The following RASGRF2 variants were observed in gnomAD, a reference collection of about 807,000 sequenced individuals.
The protein encoded by RASGRF2 is ras-specific guanine nucleotide-releasing factor 2.
RASGRF2 carries 76 observed loss-of-function variants against 151.0 expected under a neutral mutation model. The observed-to-expected ratio is 0.50, with a 90% CI of 0.42 to 0.61. RASGRF2 has a LOEUF of 0.61. RASGRF2 is among the 20% of genes least tolerant of loss of function. RASGRF2 has a pLI of 0.00. For synonymous variants in RASGRF2, 504 were observed against 566.5 expected (o/e 0.89, Z 1.57); for missense variants, 1,148 against 1,564.6 (o/e 0.73, Z 4.49).
intron 17 of RASGRF2, among the ~76,000 whole-genome samples, chr5:81,157,759 T>C (rs1005117258): frequency 3.3e-5 from 5 of 152,188 alleles, no homozygotes; most frequent in African/African-American, 1.2e-4. Context: ...AAATGCCAGA[T>C]GCTTATAAAA....
At chr5:81,216,889 A>AT (rs1257688262) in intron 24 of RASGRF2, 9 of 421,852 alleles carry the variant, frequency 2.1e-5, no homozygotes, top group Middle Eastern at 3.4e-4. Context: ...TTTCTAAAAC[A>AT]TTTAAGTACC....
rs755186049 is a variant in RASGRF2, at chr5:81,180,206, A to G, written c.2718A>G (p.Lys906=). Residue 906 remains lysine, a synonymous_variant, in exon 18 of 27, where the codon AAA becomes AAG. Coordinates refer to ENST00000265080, the MANE Select transcript of RASGRF2 (RefSeq NM_006909.3). The part of the protein sequence containing the change: ...GFNNTERTCD[K]EFIIRRTATN... ...ACAACACCGAGAGAACATGTGATAA[A>G]GAGTTTATTATACGGAGAACGGCTA... The G allele has an allele frequency of 1.2e-6, 2 of 1,612,318 alleles. No individual in the cohort carries two copies. The highest frequency in any genetic ancestry group is 1.1e-5 in the South Asian group (1 of 91,024).
chr5:80,988,765 T>C (rs1360900855), intron 1 of RASGRF2, among the ~76,000 whole-genome samples: 1 of 152,228 alleles, frequency 6.6e-6, no homozygotes, highest in Non-Finnish European at 1.5e-5. Context: ...AATGTTGTAA[T>C]GTTGCTTAAT....
At chr5:81,102,696 C>CA (rs35561550) in intron 12 of RASGRF2, among the ~76,000 whole-genome samples, 4,864 of 77,730 alleles carry the variant, frequency 0.063, 237 homozygotes, top group African/African-American at 0.18. Context: ...CTCTGTCTCC[C>CA]AAAAAAAAAA....
Position 81,008,139 on chromosome 5 carries a change from C to CTT in RASGRF2, c.289-34710_289-34709dup, listed in dbSNP as rs58105434. Among the ~76,000 whole-genome samples the CTT allele has an allele frequency of 2.8e-3, 236 of 85,390 alleles. 33 individuals are homozygous for CTT. The highest frequency in any genetic ancestry group is 9.0e-3 in the African/African-American group (193 of 21,488). The allele number at this position is 85,390 out of a possible 152,430, so 56.0% of individuals were successfully genotyped here. Reference sequence around the variant, plus strand: ...AGTTTTCTTTTTCTTTCTTTCTTTCCTTTTTTTTTTTTTTTTTTTTTTTTT... The same window carrying CTT: ...AGTTTTCTTTTTCTTTCTTTCTTTCCTTTTTTTTTTTTTTTTTTTTTTTTTTT... On this transcript the variant is annotated intron_variant, in intron 1 of 26. Coordinates refer to ENST00000265080, the MANE Select transcript of RASGRF2 (RefSeq NM_006909.3).
intron 26 of RASGRF2, among the ~76,000 whole-genome samples, chr5:81,220,209 C>A (rs981568014): frequency 2.6e-5 from 4 of 152,168 alleles, no homozygotes; most frequent in African/African-American, 9.7e-5. Flanking sequence ...AATTAAGAAT[C>A]TTTGACATGA....
chr5:81,180,576 G>T (rs1357280138), intron 18 of RASGRF2, among the ~76,000 whole-genome samples: 3 of 152,074 alleles, frequency 2.0e-5, no homozygotes, highest in African/African-American at 2.4e-5. Context: ...CCACAACAAG[G>T]CCTCTGTGCT....
At chr5:80,964,426 T>G (rs34476345) in intron 1 of RASGRF2, among the ~76,000 whole-genome samples, 1 of 152,174 alleles carries the variant, frequency 6.6e-6, no homozygotes, top group Non-Finnish European at 1.5e-5. Context: ...GTGCTCTTGG[T>G]GGCTGTTATC....
chr5:81,163,384 C>T lies in RASGRF2; in HGVS notation c.2687-16791C>T, dbSNP rs186764819. 1.2e-3 allele frequency among the ~76,000 whole-genome samples: 176 copies of T among 152,148 alleles called. 1 individual carries two copies. Among genetic ancestry groups the T allele is most frequent in the South Asian group, 4.4e-3 (21 of 4,808 alleles). On this transcript the variant is annotated intron_variant, in intron 17 of 26. Transcript: ENST00000265080. Reference sequence around the variant, plus strand: ...AGTGCTTTACCTGTCTTCAGTTATGCTTATGAAAGAACGTCCATTTTTAAC... The same window carrying T: ...AGTGCTTTACCTGTCTTCAGTTATGTTTATGAAAGAACGTCCATTTTTAAC...
intron 4 of RASGRF2, among the ~76,000 whole-genome samples, chr5:81,072,944 T>A (rs17211233): frequency 6.6e-6 from 1 of 152,204 alleles, no homozygotes; most frequent in Non-Finnish European, 1.5e-5. Flanking sequence ...TATACTTGAC[T>A]GCTCAGTACC....
intron 1 of RASGRF2, chr5:81,019,342 T>C (rs1749750980): frequency 6.6e-6 from 1 of 152,270 alleles, no homozygotes; most frequent in Admixed American, 6.5e-5. Context: ...GTGTTACTGT[T>C]ACTATGATGG....
chr5:80,981,318 G>A (rs1748291445), intron 1 of RASGRF2, among the ~76,000 whole-genome samples: 1 of 151,932 alleles, frequency 6.6e-6, no homozygotes, highest in African/African-American at 2.4e-5. Flanking sequence ...ATGGTATCAT[G>A]GTTTTGCTTT....
chr5:81,207,757 G>A (rs894422221), intron 21 of RASGRF2, among the ~76,000 whole-genome samples: 7 of 152,240 alleles, frequency 4.6e-5, no homozygotes, highest in South Asian at 4.1e-4. Flanking sequence ...CTTCTGCCCC[G>A]CTGAACTGCC....
At chr5:81,153,924 A>G (rs556471734) in intron 17 of RASGRF2, among the ~76,000 whole-genome samples, 1 of 146,952 alleles carries the variant, frequency 6.8e-6, no homozygotes, top group African/African-American at 2.6e-5. Context: ...CTGATAAAAT[A>G]GACTGTAAGA....
At chr5:80,968,765 C>G (rs2112211220) in intron 1 of RASGRF2, among the ~76,000 whole-genome samples, 1 of 151,772 alleles carries the variant, frequency 6.6e-6, no homozygotes, top group Middle Eastern at 3.4e-3. Context: ...CTTACTGAAG[C>G]CTTGAACTCC....
At position 81,115,286 on chromosome 5, in the gene RASGRF2, T is replaced by C. The variant is rs138830452; in HGVS notation, c.2470+1366T>C. On this transcript the variant is annotated intron_variant, in intron 15 of 26. Transcript: ENST00000265080. ...AAAAGTTGCACTCTTTTAAAGTCTT[T>C]AAATTGACAAGTTAGCAACTAAGGA... Among the ~76,000 whole-genome samples the C allele has an allele frequency of 2.9e-3, 435 of 152,300 alleles. 1 individual carries two copies. The highest frequency in any genetic ancestry group is 0.01 in the African/African-American group (426 of 41,558).
At chr5:81,007,273 G>A (rs573417333) in intron 1 of RASGRF2, among the ~76,000 whole-genome samples, 1 of 152,282 alleles carries the variant, frequency 6.6e-6, no homozygotes, top group Non-Finnish European at 1.5e-5. Flanking sequence ...TCTGATTGTG[G>A]TTTCAAATTA....
chr5:80,978,525 A>T (rs765149447), intron 1 of RASGRF2, among the ~76,000 whole-genome samples: 2 of 152,224 alleles, frequency 1.3e-5, no homozygotes, highest in Non-Finnish European at 2.9e-5. Flanking sequence ...GCTCATGCCT[A>T]TAATCAATTC....
At chr5:81,174,754 T>G (rs1052976580) in intron 17 of RASGRF2, among the ~76,000 whole-genome samples, 6 of 152,202 alleles carry the variant, frequency 3.9e-5, no homozygotes, top group Non-Finnish European at 8.8e-5. Context: ...TGTGATGAGT[T>G]TGGGAAAAGA....
Sources: gnomAD v4.1 joint callset for allele counts (sites outside exome capture counted in the v4.1 genomes callset) on GRCh38, gnomAD v4.1.1 for gene constraint, MANE v1.5 for transcripts, NCBI Gene and HGNC (gene_info 2026-07-23, HGNC 2026-07-21) for gene names.